The following SEPTIN7 variants were observed in gnomAD, a reference collection of about 807,000 sequenced individuals.
SEPTIN7 encodes septin 7.
In SEPTIN7, 10 loss-of-function variants were observed where a neutral mutation model predicts 63.3. The ratio of observed to expected loss-of-function variants is 0.16; its 90% CI spans 0.10 to 0.27. The LOEUF (loss-of-function observed/expected upper bound fraction) is 0.27. Among genes scored for constraint, SEPTIN7 ranks in the 10% least tolerant of loss-of-function variants. SEPTIN7 has a pLI of 1.00. For synonymous variants in SEPTIN7, 131 were observed against 165.3 expected (o/e 0.79, Z 1.59); for missense variants, 310 against 521.0 (o/e 0.59, Z 3.94).
At chr7:35,904,230 G>T in intron 13 of SEPTIN7, 24 bp from the exon 14 acceptor site, 1 of 1,517,258 alleles carries the variant, frequency 6.6e-7, no homozygotes, top group Non-Finnish European at 8.9e-7. Context: ...TACTCATCTT[G>T]CTTATTTTCC....
chr7:35,801,955 C>G (rs920787717), intron 1 of SEPTIN7, among the ~76,000 whole-genome samples: 14 of 151,906 alleles, frequency 9.2e-5, no homozygotes, highest in Admixed American at 3.9e-4. Context: ...GGATGGCGGG[C>G]GAGTCTTGAG....
At chr7:35,808,948 T>C (rs1788529103) in intron 1 of SEPTIN7, among the ~76,000 whole-genome samples, 2 of 152,240 alleles carry the variant, frequency 1.3e-5, no homozygotes, top group African/African-American at 4.8e-5. Flanking sequence ...ACAAATACAC[T>C]AACTGTTAGT....
intron 12 of SEPTIN7, chr7:35,902,579 G>C (rs957124278): frequency 1.3e-5 from 2 of 152,148 alleles, no homozygotes; most frequent in African/African-American, 2.4e-5. Flanking sequence ...TGAGCTCTTA[G>C]GGTCCTAAAC....
intron 11 of SEPTIN7, among the ~76,000 whole-genome samples, chr7:35,892,690 A>T (rs1787719356): frequency 6.6e-6 from 1 of 152,162 alleles, no homozygotes; most frequent in East Asian, 1.9e-4. Flanking sequence ...AAAACTTTAC[A>T]GTATCATTAA....
intron 4 of SEPTIN7, among the ~76,000 whole-genome samples, chr7:35,871,613 C>T (rs565462035): frequency 1.3e-5 from 2 of 152,316 alleles, no homozygotes; most frequent in South Asian, 4.1e-4. Flanking sequence ...CAATCTTAGT[C>T]TCCGCATGTT....
At chr7:35,834,894 A>G (rs1784004918) in intron 3 of SEPTIN7, among the ~76,000 whole-genome samples, 1 of 152,194 alleles carries the variant, frequency 6.6e-6, no homozygotes, top group Non-Finnish European at 1.5e-5. Context: ...TAAACTCAGA[A>G]TAAATTTGGC....
chr7:35,911,445 GA>G (rs35987609), downstream of SEPTIN7, among the ~76,000 whole-genome samples: 149,430 of 152,250 alleles, frequency 0.98, 73,400 homozygotes, highest in East Asian at 1. Flanking sequence ...GACCTGGCCA[GA>G]AAAAAATGAA....
Position 35,801,095 on chromosome 7 carries a change from G to C in SEPTIN7, c.-115G>C. The C allele has an allele frequency of 1.3e-6, 1 of 751,976 alleles. No homozygotes were observed. The highest frequency in any genetic ancestry group is 2.0e-6 in the Non-Finnish European group (1 of 499,254). 46.6% of individuals were successfully genotyped at this position (751,976 alleles called of 1,614,324 possible). ...CCTGTGGAGGAGTCCGCCTGCTGTA[G>C]CGTGCGTAAGCAAGGCAGCTACGCC... On this transcript the variant is annotated 5_prime_UTR_variant, in exon 1 of 14. Transcript: ENST00000350320.
chr7:35,885,344 C>T (rs1287008011), intron 9 of SEPTIN7, among the ~76,000 whole-genome samples: 1 of 152,072 alleles, frequency 6.6e-6, no homozygotes, highest in Non-Finnish European at 1.5e-5. Context: ...TTGCATCTCT[C>T]TTTTGTAGTT....
At chr7:35,802,179 C>G (rs1788036023) in intron 1 of SEPTIN7, 1 of 241,234 alleles carries the variant, frequency 4.1e-6, no homozygotes, top group Non-Finnish European at 9.0e-6. Context: ...CTTAACGAGC[C>G]CTTTCATTTC....
At chr7:35,805,470 A>G (rs1460414064) in intron 1 of SEPTIN7, among the ~76,000 whole-genome samples, 1 of 152,176 alleles carries the variant, frequency 6.6e-6, no homozygotes, top group Non-Finnish European at 1.5e-5. Flanking sequence ...TTGTGCTCTC[A>G]ATTTGTGTTT....
At chr7:35,869,188 G>GT (rs1462530598) in intron 4 of SEPTIN7, among the ~76,000 whole-genome samples, 2 of 152,276 alleles carry the variant, frequency 1.3e-5, no homozygotes, top group Non-Finnish European at 2.9e-5. Context: ...AGGTCTCAGT[G>GT]TAAGGAGACA....
At chr7:35,827,134 A>G (rs1451294777) in intron 1 of SEPTIN7, among the ~76,000 whole-genome samples, 1 of 152,234 alleles carries the variant, frequency 6.6e-6, no homozygotes, top group Non-Finnish European at 1.5e-5. Flanking sequence ...GATTTTGTAA[A>G]GCATATCTAG....
intron 1 of SEPTIN7, among the ~76,000 whole-genome samples, chr7:35,814,848 G>A (rs751341320): frequency 2.0e-5 from 3 of 151,950 alleles, no homozygotes; most frequent in African/African-American, 4.8e-5. Flanking sequence ...GGTAGCAGGC[G>A]CCTGTAGTCC....
intron 1 of SEPTIN7, among the ~76,000 whole-genome samples, chr7:35,830,198 A>G (rs1583522492): frequency 1.3e-5 from 2 of 151,862 alleles, no homozygotes; most frequent in Admixed American, 6.6e-5. Context: ...AAAAAAAACT[A>G]TTCCAAATAA....
chr7:35,871,988 A>G (rs1786181382), intron 4 of SEPTIN7, among the ~76,000 whole-genome samples: 1 of 152,176 alleles, frequency 6.6e-6, no homozygotes, highest in Non-Finnish European at 1.5e-5. Context: ...TTTAAGTCCA[A>G]TAATCAGTTA....
chr7:35,836,244 A>G (rs555294080), intron 3 of SEPTIN7, among the ~76,000 whole-genome samples: 26 of 152,314 alleles, frequency 1.7e-4, no homozygotes, highest in Admixed American at 1.6e-3. Context: ...GTGCTCCCTA[A>G]TTAGACTTAA....
chr7:35,808,359 A>G (rs904468239), intron 1 of SEPTIN7, among the ~76,000 whole-genome samples: 10 of 152,180 alleles, frequency 6.6e-5, no homozygotes, highest in African/African-American at 1.9e-4. Context: ...ATTAAGACAC[A>G]TTATTTCCCA....
chr7:35,862,308 T>TA (rs564480864), intron 3 of SEPTIN7, among the ~76,000 whole-genome samples: 11 of 151,902 alleles, frequency 7.2e-5, no homozygotes, highest in Admixed American at 1.3e-4. Flanking sequence ...GGTAAAAAAC[T>TA]AAAAAAAACC....
Sources: gnomAD v4.1 joint callset for allele counts (sites outside exome capture counted in the v4.1 genomes callset) on GRCh38, gnomAD v4.1.1 for gene constraint, MANE v1.5 for transcripts, NCBI Gene and HGNC (gene_info 2026-07-23, HGNC 2026-07-21) for gene names.